Variants in ZNF385D observed in about 807,000 individuals in gnomAD.
The protein encoded by ZNF385D is zinc finger protein 385D.
In ZNF385D, 15 loss-of-function variants were observed where a neutral mutation model predicts 35.8. The ratio of observed to expected loss-of-function variants is 0.42; its 90% CI spans 0.28 to 0.64. The LOEUF is 0.64. ZNF385D is among the 30% of genes least tolerant of loss of function. The pLI is 0.23. For missense variants in ZNF385D, 474 were observed against 494.6 expected (o/e 0.96, Z 0.39); for synonymous variants, 212 against 186.8 (o/e 1.13, Z -1.10).
chr3:21,714,377 CT>C (rs2068231602), intron 1 of ZNF385D, among the ~76,000 whole-genome samples: 2 of 152,156 alleles, frequency 1.3e-5, no homozygotes, highest in Admixed American at 6.5e-5. Flanking sequence ...ACTTCTGAGC[CT>C]CACTAAAACG....
At chr3:21,833,572 G>C (rs61368939) in intron 3 of ZNF385D, among the ~76,000 whole-genome samples, 1 of 152,104 alleles carries the variant, frequency 6.6e-6, no homozygotes, top group African/African-American at 2.4e-5. Flanking sequence ...CCCTGCCACC[G>C]CTTGATTTTG....
At chr3:22,369,981 T>G (rs1696828182) in intron 2 of ZNF385D, among the ~76,000 whole-genome samples, 1 of 152,350 alleles carries the variant, frequency 6.6e-6, no homozygotes, top group East Asian at 1.9e-4. Context: ...CTAAGTTAGA[T>G]GTGACTCATC....
At position 21,775,830 on chromosome 3, in the gene ZNF385D, TATAA is replaced by T. The variant is rs377637078; in HGVS notation, c.326-110806_326-110803del. ...CACATTTCTTTCTAGAGCTCATTTG[TATAA>T]ATAGCGTTTTCCAGTAATTATAAAA... On this transcript the variant is annotated intron_variant, in intron 3 of 5. Coordinates refer to the ZNF385D transcript ENST00000494108. Among the ~76,000 whole-genome samples, 19 of 152,000 alleles carry T rather than the reference TATAA, an allele frequency of 1.3e-4. 1 individual carries two copies. In the East Asian group the frequency reaches 3.7e-3, roughly 29 times the overall value.
intron 3 of ZNF385D, among the ~76,000 whole-genome samples, chr3:22,128,664 T>C (rs1005723964): frequency 6.6e-6 from 1 of 152,176 alleles, no homozygotes; most frequent in South Asian, 2.1e-4. Flanking sequence ...AGAGACTCTG[T>C]TGCATTCTTC....
At chr3:21,610,933 C>T (rs779572299) in intron 2 of ZNF385D, among the ~76,000 whole-genome samples, 4 of 152,144 alleles carry the variant, frequency 2.6e-5, no homozygotes, top group Admixed American at 6.5e-5. Context: ...TGGGTTTCTT[C>T]GCATTCAGTT....
intron 2 of ZNF385D, among the ~76,000 whole-genome samples, chr3:22,292,176 T>C (rs984383996): frequency 7.9e-5 from 12 of 152,196 alleles, no homozygotes; most frequent in Middle Eastern, 6.8e-3. Context: ...ACTTCATTAC[T>C]TCGTGGGTTA....
chr3:22,299,347 T>G (rs1172141172), intron 2 of ZNF385D, among the ~76,000 whole-genome samples: 1 of 151,846 alleles, frequency 6.6e-6, no homozygotes, highest in Non-Finnish European at 1.5e-5. Flanking sequence ...TTTTGTAACT[T>G]TACTCTAGGC....
intron 3 of ZNF385D, among the ~76,000 whole-genome samples, chr3:21,786,142 G>A (rs1246941008): frequency 6.6e-6 from 1 of 151,836 alleles, no homozygotes; most frequent in Non-Finnish European, 1.5e-5. Context: ...CATCACAAAC[G>A]TAAACAGAAC....
At chr3:22,200,805 A>G (rs1225266919) in intron 2 of ZNF385D, among the ~76,000 whole-genome samples, 1 of 152,108 alleles carries the variant, frequency 6.6e-6, no homozygotes, top group Non-Finnish European at 1.5e-5. Flanking sequence ...CCTTGCTGAG[A>G]AAAAGAATTC....
At chr3:21,944,437 A>G (rs570222826) in intron 3 of ZNF385D, among the ~76,000 whole-genome samples, 3 of 152,344 alleles carry the variant, frequency 2.0e-5, no homozygotes, top group Admixed American at 2.0e-4. Flanking sequence ...CCAATATATT[A>G]GAAACAATGC....
intron 3 of ZNF385D, among the ~76,000 whole-genome samples, chr3:22,101,869 C>A (rs1701961736): frequency 6.6e-6 from 1 of 151,564 alleles, no homozygotes; most frequent in African/African-American, 2.4e-5. Flanking sequence ...TTTCTGGTAC[C>A]AATGAGTAAG....
At chr3:21,657,870 G>A (rs1267668163) in intron 2 of ZNF385D, among the ~76,000 whole-genome samples, 1 of 152,122 alleles carries the variant, frequency 6.6e-6, no homozygotes, top group African/African-American at 2.4e-5. Flanking sequence ...CTGAGGGAAA[G>A]AAGGCATTTC....
chr3:22,034,367 C>G (rs532439462), intron 3 of ZNF385D, among the ~76,000 whole-genome samples: 56 of 152,206 alleles, frequency 3.7e-4, no homozygotes, highest in African/African-American at 1.3e-3. Flanking sequence ...TGCCAGCACC[C>G]TGATTTCAAC....
chr3:21,842,591 G>T (rs113741428), intron 3 of ZNF385D, among the ~76,000 whole-genome samples: 1 of 151,956 alleles, frequency 6.6e-6, no homozygotes, highest in Non-Finnish European at 1.5e-5. Context: ...TCTTTGGGAT[G>T]GTTGTTTACA....
At chr3:22,360,802 G>C (rs1297698235) in intron 2 of ZNF385D, among the ~76,000 whole-genome samples, 1 of 151,978 alleles carries the variant, frequency 6.6e-6, no homozygotes, top group African/African-American at 2.4e-5. Flanking sequence ...CTCTCCTTTA[G>C]TGGGAATTTA....
intron 3 of ZNF385D, among the ~76,000 whole-genome samples, chr3:21,880,820 T>C (rs1446975144): frequency 1.3e-5 from 2 of 151,964 alleles, no homozygotes; most frequent in East Asian, 3.9e-4. Context: ...AAAATGCTAC[T>C]TCAGCAAACA....
intron 3 of ZNF385D, among the ~76,000 whole-genome samples, chr3:21,921,856 AC>A (rs1700480542): frequency 6.8e-6 from 1 of 147,974 alleles, no homozygotes; most frequent in South Asian, 2.2e-4. Flanking sequence ...AAAAAAAAAG[AC>A]CCTACCAACC....
At chr3:22,050,590 TTG>T (rs2125527589) in intron 3 of ZNF385D, among the ~76,000 whole-genome samples, 1 of 152,330 alleles carries the variant, frequency 6.6e-6, no homozygotes, top group East Asian at 1.9e-4. Flanking sequence ...GTATTGAACA[TTG>T]TTTTCTAGGT....
At chr3:22,104,547 T>C (rs1409861619) in intron 3 of ZNF385D, among the ~76,000 whole-genome samples, 1 of 152,004 alleles carries the variant, frequency 6.6e-6, no homozygotes, top group Non-Finnish European at 1.5e-5. Flanking sequence ...CATTTTTTTT[T>C]GCCGCGTTGT....
Sources: allele counts gnomAD v4.1 joint callset (sites outside exome capture counted in the v4.1 genomes callset), GRCh38; gene constraint gnomAD v4.1.1; transcripts MANE v1.5; gene names NCBI Gene and HGNC (gene_info 2026-07-23, HGNC 2026-07-21).